Variants in EIF2AK4 observed in about 807,000 individuals in gnomAD.
The protein encoded by EIF2AK4 is eIF-2-alpha kinase GCN2.
A neutral mutation model predicts 211.1 loss-of-function variants in EIF2AK4; 139 were observed. The observed-to-expected ratio is 0.66, with a 90% CI of 0.57 to 0.76. The LOEUF (loss-of-function observed/expected upper bound fraction) is 0.76. Among genes scored for constraint, EIF2AK4 ranks in the 30% least tolerant of loss-of-function variants. The probability of loss-of-function intolerance (pLI) is 0.00; values close to 1 mark genes in which losing one functional copy is unlikely to be tolerated. For missense variants in EIF2AK4, 1,664 were observed against 2,043.8 expected (o/e 0.81, Z 3.58); for synonymous variants, 710 against 751.3 (o/e 0.94, Z 0.90).
intron 37 of EIF2AK4, among the ~76,000 whole-genome samples, chr15:40,033,604 G>A (rs992005684): frequency 9.9e-5 from 15 of 152,132 alleles, no homozygotes; most frequent in African/African-American, 3.4e-4. Context: ...CTTAGCCCTA[G>A]AACTAGTATT....
At chr15:40,021,515 C>A (rs1465412449) in intron 31 of EIF2AK4, 1 of 152,642 alleles carries the variant, frequency 6.6e-6, no homozygotes, top group East Asian at 1.9e-4. Flanking sequence ...CCTGGTTGAT[C>A]ACTCACAGGT....
At chr15:40,020,771 T>A (rs1330306958) in intron 30 of EIF2AK4, 128 bp from the exon 31 acceptor site, 1 of 720,730 alleles carries the variant, frequency 1.4e-6, no homozygotes, top group Non-Finnish European at 2.1e-6. Flanking sequence ...TTTGGCACGC[T>A]GTGTTTCTAT....
chr15:39,973,892 C>G (rs2034658483), intron 11 of EIF2AK4, 143 bp downstream of exon 11: 1 of 879,004 alleles, frequency 1.1e-6, no homozygotes, highest in Admixed American at 2.7e-5. Flanking sequence ...CCTCACCTTC[C>G]TGGAGTTAAA....
Position 39,973,624 on chromosome 15 carries a change from A to T in EIF2AK4, c.1693A>T (p.Ile565Phe), listed in dbSNP as rs968470641. ...SEGQDYVETV[I>F]PSNRLPSAAF... Reference sequence around the variant, plus strand: ...AGGACAAGATTATGTTGAGACTGTTATTCCTAGCAACCGGCTACCCAGTGC... The same window carrying T: ...AGGACAAGATTATGTTGAGACTGTTTTTCCTAGCAACCGGCTACCCAGTGC... Residue 565 changes from isoleucine (I) to phenylalanine (F), a missense_variant, in exon 11 of 39, where the codon ATT becomes TTT. Ile to Phe is a conservative substitution (Grantham distance 21, BLOSUM62 0). This residue lies in a region of EIF2AK4 where 641 missense variants were observed against 729.6 expected (regional missense o/e 0.88). Transcript: ENST00000263791. 1 of 1,613,882 alleles carries T rather than the reference A, an allele frequency of 6.2e-7. No homozygotes were observed. The highest frequency in any genetic ancestry group is 8.5e-7 in the Non-Finnish European group (1 of 1,179,922).
At chr15:39,983,773 T>G (rs1356113637) in intron 13 of EIF2AK4, among the ~76,000 whole-genome samples, 1 of 152,218 alleles carries the variant, frequency 6.6e-6, no homozygotes, top group Non-Finnish European at 1.5e-5. Flanking sequence ...ATGGACAGAT[T>G]GCAAAAATTT....
intron 2 of EIF2AK4, among the ~76,000 whole-genome samples, chr15:39,941,882 T>C (rs942833007): frequency 2.0e-5 from 3 of 152,236 alleles, no homozygotes; most frequent in African/African-American, 4.8e-5. Context: ...TGGCACTAGA[T>C]AACTATTCAG....
At chr15:39,965,915 C>A in intron 8 of EIF2AK4, 72 bp downstream of exon 8, 1 of 1,566,228 alleles carries the variant, frequency 6.4e-7, no homozygotes, top group Non-Finnish European at 8.6e-7. Context: ...AACAAAATAG[C>A]CCTGCATTTG....
At chr15:40,033,713 C>T (rs1038778585) in intron 37 of EIF2AK4, among the ~76,000 whole-genome samples, 2 of 152,136 alleles carry the variant, frequency 1.3e-5, no homozygotes, top group Non-Finnish European at 2.9e-5. Context: ...TACTTAAGAG[C>T]TGCTATCACC....
chr15:39,956,068 C>T (rs1221598856), intron 6 of EIF2AK4, among the ~76,000 whole-genome samples: 1 of 147,688 alleles, frequency 6.8e-6, no homozygotes, highest in Non-Finnish European at 1.5e-5. Context: ...TGCAATGGCA[C>T]GGGCTCAGCT....
At chr15:39,971,917 G>T (rs997201355) in intron 9 of EIF2AK4, among the ~76,000 whole-genome samples, 2 of 151,980 alleles carry the variant, frequency 1.3e-5, no homozygotes. Context: ...ATTTTTTAGG[G>T]GATACTGATG....
At chr15:40,022,432 G>T in intron 31 of EIF2AK4, 87 bp from the exon 32 acceptor site, 1 of 1,110,086 alleles carries the variant, frequency 9.0e-7, no homozygotes. Context: ...GAATATAATT[G>T]GAAACAGTAT....
At chr15:40,032,875 G>A in intron 37 of EIF2AK4, 74 bp downstream of exon 37, 2 of 1,301,576 alleles carry the variant, frequency 1.5e-6, no homozygotes, top group Non-Finnish European at 2.2e-6. Flanking sequence ...CCAAAATACT[G>A]AAGACGGCAT....
intron 35 of EIF2AK4, among the ~76,000 whole-genome samples, chr15:40,030,855 TG>T (rs2035532893): frequency 6.6e-6 from 1 of 152,238 alleles, no homozygotes. Flanking sequence ...TGCTAAGGGC[TG>T]TGTAAAATGT....
At chr15:39,948,476 C>T (rs2034260253) in intron 3 of EIF2AK4, among the ~76,000 whole-genome samples, 1 of 152,162 alleles carries the variant, frequency 6.6e-6, no homozygotes, top group African/African-American at 2.4e-5. Context: ...AAAGGGGCTT[C>T]CTGTGTTCAC....
chr15:39,952,036 C>T (rs1343543265), intron 4 of EIF2AK4, among the ~76,000 whole-genome samples: 4 of 152,022 alleles, frequency 2.6e-5, no homozygotes, highest in Non-Finnish European at 5.9e-5. Flanking sequence ...CAATCCTACC[C>T]CTCCCCATCC....
chr15:39,953,938 A>G lies in EIF2AK4; in HGVS notation c.548A>G (p.Lys183Arg). The change falls in exon 5 of 39, where the codon AAA (lysine) becomes AGA (arginine). Residue 183 changes from lysine to arginine, a missense_variant. By Grantham distance (26) the Lys-to-Arg change is conservative. Coordinates refer to ENST00000263791, the MANE Select transcript of EIF2AK4 (RefSeq NM_001013703.4). ...REILHEIQRR[K>R]EEIKEEKKRK... ...ATCCTGCATGAGATTCAGAGAAGGA[A>G]AGAAGAGATAAAAGAAGAGAAAAAA... The G allele has an allele frequency of 6.2e-7, 1 of 1,610,874 alleles. No homozygotes were observed. Among genetic ancestry groups the G allele is most frequent in the Non-Finnish European group, 8.5e-7 (1 of 1,179,458 alleles).
intron 3 of EIF2AK4, chr15:39,946,808 C>A: frequency 1.7e-6 from 1 of 598,858 alleles, no homozygotes. Flanking sequence ...CAAGACAAAA[C>A]CCTCTGTCTG....
Position 39,949,238 on chromosome 15 carries a change from GT to G in EIF2AK4, c.485del (p.Leu162TrpfsTer25). The G allele has an allele frequency of 1.9e-6, 3 of 1,614,086 alleles. No homozygotes were observed. The East Asian group carries it at 6.7e-5, about 36-fold the overall frequency. On this transcript the variant is annotated frameshift_variant, in exon 4 of 39. Transcript: ENST00000263791. LOFTEE classifies it high-confidence loss of function. ...RRAQEEQQRL[L>X]EAKRKEEQEQ... ...GGGCTCAGGAGGAGCAGCAGAGGCT[GT>G]TGGAGGCCAAGCGGAAAGAAGAGCA...
intron 16 of EIF2AK4, chr15:39,991,788 A>C (rs1274174230): frequency 6.0e-6 from 1 of 167,312 alleles, no homozygotes; most frequent in Non-Finnish European, 1.3e-5. Context: ...GAAGAATAAA[A>C]ATTGATGCAG....
Sources: gnomAD v4.1 joint callset for allele counts (sites outside exome capture counted in the v4.1 genomes callset) on GRCh38, gnomAD v4.1.1 for gene constraint, gnomAD v4.1.1 regional missense constraint, MANE v1.5 for transcripts, NCBI Gene and HGNC (gene_info 2026-07-23, HGNC 2026-07-21) for gene names.